Variants in NPNT observed in about 807,000 individuals in gnomAD.
NPNT encodes preosteoblast EGF-like repeat protein with MAM domain.
In NPNT, 45 loss-of-function variants were observed where a neutral mutation model predicts 68.6. The observed-to-expected ratio is 0.66, with a 90% CI of 0.52 to 0.84. NPNT has a LOEUF of 0.84. NPNT is among the 40% of genes least tolerant of loss of function. The pLI, the probability that NPNT is intolerant of heterozygous loss-of-function variation, is 0.00. For synonymous variants in NPNT, 233 were observed against 253.3 expected (o/e 0.92, Z 0.76); for missense variants, 672 against 714.8 (o/e 0.94, Z 0.68).
In NPNT at chr4:105,942,492, A is replaced by G; in HGVS notation, c.949A>G (p.Arg317Gly). 2 of 1,613,940 alleles carry G rather than the reference A, an allele frequency of 1.2e-6. No individual in the cohort carries two copies. Among genetic ancestry groups the G allele is most frequent in the African/African-American group, 2.7e-5 (2 of 75,006 alleles). The change falls in exon 8 of 12, where the codon AGA (arginine) becomes GGA (glycine). Residue 317 changes from arginine to glycine, a missense_variant. Coordinates refer to ENST00000379987, the MANE Select transcript of NPNT (RefSeq NM_001033047.3). ...CAGGCCTACTTCTAAGCCAACAACAAGACCTACACCAAAGCCAACACCAAT... is the reference window on the plus strand; with the variant it reads ...CAGGCCTACTTCTAAGCCAACAACAGGACCTACACCAAAGCCAACACCAAT... ...TNRPTSKPTTRPTPKPTPIPT... is the reference protein window; with the variant it reads ...TNRPTSKPTTGPTPKPTPIPT...
At chr4:105,911,734 T>G (rs1453975164) in intron 2 of NPNT, 1 of 174,430 alleles carries the variant, frequency 5.7e-6, no homozygotes, top group Non-Finnish European at 1.2e-5. Context: ...AAGAAACAGG[T>G]AAGTAAAAAT....
chr4:105,959,159 A>G (rs1416020030), intron 10 of NPNT, 33 bp downstream of exon 10: 6 of 1,349,708 alleles, frequency 4.4e-6, no homozygotes, highest in African/African-American at 2.9e-5. Flanking sequence ...TTTCTGGTAC[A>G]CATTTCAATG....
chr4:105,919,240 AT>A (rs907631824), intron 2 of NPNT, among the ~76,000 whole-genome samples: 37 of 151,106 alleles, frequency 2.4e-4, no homozygotes, highest in South Asian at 4.2e-4. Flanking sequence ...CGTTTTACAC[AT>A]TTTTTTTTCT....
intron 2 of NPNT, among the ~76,000 whole-genome samples, chr4:105,903,887 C>G (rs897494386): frequency 2.6e-5 from 4 of 151,362 alleles, no homozygotes; most frequent in African/African-American, 9.7e-5. Flanking sequence ...TGGGCTCAAG[C>G]CATCCTCCCA....
intron 3 of NPNT, among the ~76,000 whole-genome samples, chr4:105,928,264 G>A (rs767575880): frequency 5.3e-5 from 8 of 151,994 alleles, no homozygotes; most frequent in African/African-American, 9.7e-5. Flanking sequence ...TGTGATCCTC[G>A]AACTCATGCT....
intron 2 of NPNT, among the ~76,000 whole-genome samples, chr4:105,923,615 T>C (rs1728430619): frequency 6.6e-6 from 1 of 152,274 alleles, no homozygotes; most frequent in African/African-American, 2.4e-5. Context: ...CTTTCCATTC[T>C]CAAGATCGCC....
At chr4:105,898,375 T>TCTCG in intron 2 of NPNT, among the ~76,000 whole-genome samples, 1 of 125,230 alleles carries the variant, frequency 8.0e-6, no homozygotes, top group East Asian at 2.0e-4. Flanking sequence ...TCTCTCTCTC[T>TCTCG]CTCTCGCTGA....
At chr4:105,896,233 C>A (rs1283451970) in intron 1 of NPNT, among the ~76,000 whole-genome samples, 4 of 152,104 alleles carry the variant, frequency 2.6e-5, no homozygotes, top group Admixed American at 2.0e-4. Context: ...TTGTGGGCCT[C>A]TCCATTTGGT....
chr4:105,906,272 C>T (rs953040605), intron 2 of NPNT, among the ~76,000 whole-genome samples: 1 of 152,154 alleles, frequency 6.6e-6, no homozygotes, highest in Non-Finnish European at 1.5e-5. Context: ...GGTTTTACTG[C>T]ATGTAGTTCT....
intron 8 of NPNT, among the ~76,000 whole-genome samples, chr4:105,947,499 A>G (rs546340078): frequency 6.6e-6 from 1 of 152,032 alleles, no homozygotes; most frequent in East Asian, 1.9e-4. Flanking sequence ...TTCCCACAAC[A>G]CTCATCCCAC....
chr4:105,958,838 A>G (rs748141993), intron 9 of NPNT, 190 bp from the exon 10 acceptor site: 73 of 568,874 alleles, frequency 1.3e-4, no homozygotes, highest in Non-Finnish European at 1.6e-4. Context: ...TGTGTGTTCT[A>G]TTTTTACAGA....
At chr4:105,963,565 C>T (rs1289052615) in intron 10 of NPNT, among the ~76,000 whole-genome samples, 2 of 151,954 alleles carry the variant, frequency 1.3e-5, no homozygotes, top group African/African-American at 4.8e-5. Context: ...AATTGTGCTG[C>T]TGACAGACAT....
At chr4:105,925,640 T>C (rs1728623928) in intron 2 of NPNT, among the ~76,000 whole-genome samples, 1 of 152,160 alleles carries the variant, frequency 6.6e-6, no homozygotes. Flanking sequence ...TGTCAGGAGC[T>C]TCAAAATTCG....
chr4:105,924,525 G>A (rs9790337), intron 2 of NPNT, among the ~76,000 whole-genome samples: 137,629 of 152,244 alleles, frequency 0.9, 62,457 homozygotes, highest in East Asian at 1. Flanking sequence ...TATCAGATGG[G>A]AGTGCAAACA....
intron 11 of NPNT, among the ~76,000 whole-genome samples, chr4:105,968,593 T>C (rs1208282882): frequency 6.6e-6 from 1 of 152,242 alleles, no homozygotes; most frequent in African/African-American, 2.4e-5. Context: ...CTTCTAACTT[T>C]GGTAATCCTT....
chr4:105,942,749 G>T, intron 8 of NPNT, 47 bp downstream of exon 8: 1 of 1,529,052 alleles, frequency 6.5e-7, no homozygotes, highest in South Asian at 1.3e-5. Flanking sequence ...TCTTTATAAT[G>T]ACTTTTCAAC....
intron 3 of NPNT, among the ~76,000 whole-genome samples, chr4:105,936,588 A>C (rs563782852): frequency 6.6e-6 from 1 of 152,248 alleles, no homozygotes; most frequent in Non-Finnish European, 1.5e-5. Flanking sequence ...TTCTTTAAAC[A>C]GAGAAAGGAA....
At chr4:105,920,407 A>AAAAAAAAAAAAAAAAAAAAAAAAC (rs1728170778) in intron 2 of NPNT, among the ~76,000 whole-genome samples, 1 of 151,186 alleles carries the variant, frequency 6.6e-6, no homozygotes, top group African/African-American at 2.4e-5. Flanking sequence ...AAAAAAAAAA[A>AAAAAAAAAAAAAAAAAAAAAAAAC]AAAAAAAAAA....
rs750118953 is a variant in NPNT at position 105,942,582 on chromosome 4, C to T, written c.1039C>T (p.Pro347Ser). Residue 347 changes from proline (P) to serine (S), a missense_variant, in exon 8 of 12, where the codon CCA (proline) becomes TCA (serine). Coordinates refer to ENST00000379987, the MANE Select transcript of NPNT (RefSeq NM_001033047.3). ...ELRTPLPPTT[P>S]ERPTTGLTTI... ...CAGAACACCTCTACCACCTACAACC[C>T]CAGAAAGGCCAACCACCGGACTGAC... 1.5e-5 allele frequency: 25 copies of T among 1,613,864 alleles called. No homozygotes were observed. The highest frequency in any genetic ancestry group is 2.0e-5 in the Non-Finnish European group (24 of 1,179,984).
Sources: gnomAD v4.1 joint callset for allele counts (sites outside exome capture counted in the v4.1 genomes callset) on GRCh38, gnomAD v4.1.1 for gene constraint, MANE v1.5 for transcripts, NCBI Gene and HGNC (gene_info 2026-07-23, HGNC 2026-07-21) for gene names.